The following ONECUT2 variants were observed in gnomAD, a reference collection of about 807,000 sequenced individuals.
The protein encoded by ONECUT2 is one cut domain family member 2.
In ONECUT2, 10 loss-of-function variants were observed where a neutral mutation model predicts 27.9. The observed-to-expected ratio is 0.36, with a 90% CI of 0.22 to 0.61. The LOEUF is 0.61. Among genes scored for constraint, ONECUT2 ranks in the 20% least tolerant of loss-of-function variants. The pLI, the probability that ONECUT2 is intolerant of heterozygous loss-of-function variation, is 0.73. For missense variants in ONECUT2, 686 were observed against 721.0 expected (o/e 0.95, Z 0.56); for synonymous variants, 334 against 315.1 (o/e 1.06, Z -0.64).
chr18:57,443,101 T>C (rs953016345), intron 1 of ONECUT2, among the ~76,000 whole-genome samples: 10 of 152,340 alleles, frequency 6.6e-5, no homozygotes, highest in Admixed American at 4.6e-4. Context: ...CCACACTCCA[T>C]GGCTAGTGGC....
At chr18:57,461,699 A>C (rs556333431) in intron 1 of ONECUT2, among the ~76,000 whole-genome samples, 31 of 152,336 alleles carry the variant, frequency 2.0e-4, no homozygotes, top group African/African-American at 6.7e-4. Context: ...CTGAAGAACA[A>C]GGGTGCTGGG....
intron 1 of ONECUT2, among the ~76,000 whole-genome samples, chr18:57,475,611 C>T (rs1302132585): frequency 6.6e-6 from 1 of 152,094 alleles, no homozygotes; most frequent in African/African-American, 2.4e-5. Flanking sequence ...AGGGAGAGGT[C>T]GTGACACATA....
intron 1 of ONECUT2, among the ~76,000 whole-genome samples, chr18:57,468,416 A>AT (rs1449850406): frequency 6.6e-6 from 1 of 152,232 alleles, no homozygotes; most frequent in Non-Finnish European, 1.5e-5. Flanking sequence ...TACTGGCTCC[A>AT]TGGTCATCTG....
chr18:57,467,319 G>T, intron 1 of ONECUT2: 1 of 375,078 alleles, frequency 2.7e-6, no homozygotes, highest in Non-Finnish European at 5.3e-6. Context: ...GCAGAGATTT[G>T]CCATTGATCA....
At chr18:57,465,129 A>G (rs1474556027) in intron 1 of ONECUT2, among the ~76,000 whole-genome samples, 1 of 152,032 alleles carries the variant, frequency 6.6e-6, no homozygotes, top group African/African-American at 2.4e-5. Context: ...TGCAAATTTT[A>G]AAAATCTTAC....
chr18:57,464,918 T>C (rs924697139), intron 1 of ONECUT2, among the ~76,000 whole-genome samples: 4 of 152,336 alleles, frequency 2.6e-5, no homozygotes, highest in Admixed American at 2.0e-4. Context: ...GTTATTTTCA[T>C]AGAAAATATT....
intron 1 of ONECUT2, among the ~76,000 whole-genome samples, chr18:57,466,993 T>G (rs911141803): frequency 1.3e-5 from 2 of 152,244 alleles, no homozygotes; most frequent in African/African-American, 4.8e-5. Context: ...GGCCTGAACC[T>G]TCCCCTGGGA....
chr18:57,478,967 C>T lies in ONECUT2; in HGVS notation c.*2244C>T, dbSNP rs2050400824. 3 of 152,686 alleles carry T rather than the reference C, an allele frequency of 2.0e-5. No homozygotes were observed. In the South Asian group the frequency reaches 6.2e-4, roughly 32 times the overall value. The allele number at this position is 152,686 out of a possible 1,614,324, so 9.5% of individuals were successfully genotyped here. A position where few individuals can be genotyped will look rare whatever the true frequency, so the allele number is the denominator to read the frequency against. ...CAACATGGAATCTCTCAAAAGTTTC[C>T]ATGGACTCCAAGTTTAAGATGTTGG... is the stretch of plus-strand genomic sequence containing the variant. On this transcript the variant is annotated 3_prime_UTR_variant, in exon 2 of 2. Transcript: ENST00000491143.
At chr18:57,439,787 C>T (rs35542747) in intron 1 of ONECUT2, among the ~76,000 whole-genome samples, 5,257 of 152,182 alleles carry the variant, frequency 0.035, 357 homozygotes, top group East Asian at 0.31. Flanking sequence ...AGACACCGTC[C>T]CTGCCCCCCT....
At chr18:57,444,854 A>C (rs2050192951) in intron 1 of ONECUT2, among the ~76,000 whole-genome samples, 1 of 152,148 alleles carries the variant, frequency 6.6e-6, no homozygotes, top group Non-Finnish European at 1.5e-5. Context: ...CCCACACTCC[A>C]AACCAAACAA....
chr18:57,446,677 G>C (rs1370047193), intron 1 of ONECUT2, among the ~76,000 whole-genome samples: 1 of 152,216 alleles, frequency 6.6e-6, no homozygotes, highest in Non-Finnish European at 1.5e-5. Flanking sequence ...CTTCCTAGAA[G>C]TAGCTTAAAG....
At chr18:57,466,945 T>C (rs919743699) in intron 1 of ONECUT2, among the ~76,000 whole-genome samples, 9 of 152,226 alleles carry the variant, frequency 5.9e-5, no homozygotes, top group African/African-American at 2.2e-4. Context: ...CAGGCTCCAG[T>C]GTGCTTCCTA....
chr18:57,468,441 T>C (rs3786474), intron 1 of ONECUT2, among the ~76,000 whole-genome samples: 7,483 of 152,282 alleles, frequency 0.049, 675 homozygotes, highest in East Asian at 0.36. Flanking sequence ...TAAGTGGCCT[T>C]TGGTGATGCG....
intron 1 of ONECUT2, among the ~76,000 whole-genome samples, chr18:57,443,658 G>T (rs1214198592): frequency 6.6e-6 from 1 of 152,202 alleles, no homozygotes; most frequent in Non-Finnish European, 1.5e-5. Flanking sequence ...TGGGGAAAAG[G>T]TAGGGACGTG....
At chr18:57,462,182 A>G (rs1037269885) in intron 1 of ONECUT2, among the ~76,000 whole-genome samples, 1 of 152,282 alleles carries the variant, frequency 6.6e-6, no homozygotes, top group Non-Finnish European at 1.5e-5. Context: ...GCATCTTTTC[A>G]TGTAATTTTT....
chr18:57,473,525 A>G (rs1283112340), intron 1 of ONECUT2, among the ~76,000 whole-genome samples: 1 of 152,172 alleles, frequency 6.6e-6, no homozygotes, highest in African/African-American at 2.4e-5. Context: ...CAGGTCTTGG[A>G]GGTGTGGAAG....
chr18:57,445,328 C>A (rs1035929304), intron 1 of ONECUT2, among the ~76,000 whole-genome samples: 2 of 152,172 alleles, frequency 1.3e-5, no homozygotes, highest in Non-Finnish European at 2.9e-5. Context: ...ACGGGTAGAA[C>A]TTTTGTTGTG....
intron 1 of ONECUT2, among the ~76,000 whole-genome samples, chr18:57,460,688 T>TC (rs2050285948): frequency 4.4e-5 from 2 of 45,276 alleles, no homozygotes; most frequent in Admixed American, 5.2e-4. Context: ...CATTCAAATC[T>TC]TTTTTTTTTT....
chr18:57,476,445 C>T lies in ONECUT2; in HGVS notation c.1237C>T (p.Arg413Cys), dbSNP rs766718085. 30 of 1,613,804 alleles carry T rather than the reference C, an allele frequency of 1.9e-5. No homozygotes were observed. Among genetic ancestry groups the T allele is most frequent in the African/African-American group, 2.7e-5 (2 of 74,926 alleles). The change falls in exon 2 of 2, where the codon CGC becomes TGC. Residue 413 changes from arginine to cysteine, a missense_variant. Arg to Cys is a radical substitution (Grantham distance 180, BLOSUM62 -3). Coordinates refer to ENST00000491143, the MANE Select transcript of ONECUT2 (RefSeq NM_004852.3). ...TTCTCTTTCCCTTCAAGCGTGCAAA[C>T]GCAAAGAGCAAGAACCAAACAAAGA... ...MSALRLAACK[R>C]KEQEPNKDRN...
Sources: gnomAD v4.1 joint callset for allele counts (sites outside exome capture counted in the v4.1 genomes callset) on GRCh38, gnomAD v4.1.1 for gene constraint, MANE v1.5 for transcripts, NCBI Gene and HGNC (gene_info 2026-07-23, HGNC 2026-07-21) for gene names.